The following PALM2AKAP2 variants were observed in gnomAD, a reference collection of about 807,000 sequenced individuals.
PALM2AKAP2 encodes PALM2-AKAP2 fusion protein.
PALM2AKAP2 carries 37 observed loss-of-function variants against 71.5 expected under a neutral mutation model. The ratio of observed to expected loss-of-function variants is 0.52; its 90% confidence interval spans 0.40 to 0.68. PALM2AKAP2 has a LOEUF of 0.68. Ranked by LOEUF, PALM2AKAP2 falls within the 30% of genes least tolerant of loss-of-function variation. The pLI is 0.00. For synonymous variants in PALM2AKAP2, 468 were observed against 478.8 expected (o/e 0.98, Z 0.29); for missense variants, 1,224 against 1,191.8 (o/e 1.03, Z -0.40).
chr9:110,136,785 C>T (rs756987750), exon 2 of PALM2AKAP2: 1 of 1,614,126 alleles, frequency 6.2e-7, no homozygotes, highest in Non-Finnish European at 8.5e-7. Flanking sequence ...GAGCTGCGTG[C>T]CTTCCATGAG....
chr9:110,035,697 T>C, intron 7 of PALM2AKAP2, among the ~76,000 whole-genome samples: 1 of 124,638 alleles, frequency 8.0e-6, no homozygotes, highest in Non-Finnish European at 1.6e-5. Context: ...ATATAGGATA[T>C]GTTGTGTGTT....
chr9:109,693,109 A>G lies in PALM2AKAP2; in HGVS notation c.5+52243A>G, dbSNP rs141141772. On this transcript the variant is annotated intron_variant, in intron 1 of 6. Coordinates refer to the PALM2AKAP2 transcript ENST00000374531. ...CCTAGAGAAACATTTGGGGCTTGATATTTCTTTGTGAGAATGTTTCCAATG... is the reference window on the plus strand; with the variant it reads ...CCTAGAGAAACATTTGGGGCTTGATGTTTCTTTGTGAGAATGTTTCCAATG... 1.7e-3 allele frequency among the ~76,000 whole-genome samples: 262 copies of G among 152,080 alleles called. 6 individuals are homozygous for G. The East Asian group carries it at 0.041, about 24-fold the overall frequency.
intron 1 of PALM2AKAP2, among the ~76,000 whole-genome samples, chr9:109,691,971 T>G (rs1336533754): frequency 7.0e-6 from 1 of 143,450 alleles, no homozygotes; most frequent in African/African-American, 2.6e-5. Context: ...TATATCTCCA[T>G]CTCAGTATTC....
chr9:109,994,679 T>C (rs1249903038), intron 6 of PALM2AKAP2, among the ~76,000 whole-genome samples: 1 of 152,128 alleles, frequency 6.6e-6, no homozygotes, highest in Non-Finnish European at 1.5e-5. Flanking sequence ...GGTCTTGCTT[T>C]GGTCATCTCT....
rs184796700 is a variant in PALM2AKAP2, at chr9:109,703,435, T to C, written c.5+62569T>C. 2.8e-3 allele frequency among the ~76,000 whole-genome samples: 426 copies of C among 152,274 alleles called. 3 individuals are homozygous for C. The highest frequency in any genetic ancestry group is 6.8e-3 in the Middle Eastern group (2 of 294). ...ATATATTTATTGCATACCCAGTATG[T>C]TTCTGGCAATATGTTTTTATGATAA... On this transcript the variant is annotated intron_variant, in intron 1 of 6. Transcript: ENST00000374531.
At chr9:110,111,205 C>T (rs572379324) in intron 1 of PALM2AKAP2, among the ~76,000 whole-genome samples, 78 of 147,964 alleles carry the variant, frequency 5.3e-4, no homozygotes, top group African/African-American at 1.9e-3. Flanking sequence ...GATCCTCTGA[C>T]CTCAGCCTCG....
At chr9:110,012,899 T>A (rs1832910372) in intron 6 of PALM2AKAP2, among the ~76,000 whole-genome samples, 1 of 152,244 alleles carries the variant, frequency 6.6e-6, no homozygotes, top group South Asian at 2.1e-4. Context: ...AACTTTTATA[T>A]GCAGAATTAT....
intron 3 of PALM2AKAP2, among the ~76,000 whole-genome samples, chr9:110,167,753 C>T (rs1836773027): frequency 6.6e-6 from 1 of 151,834 alleles, no homozygotes; most frequent in Non-Finnish European, 1.5e-5. Flanking sequence ...CTATAAATAT[C>T]ATCATGGCTT....
At chr9:110,162,279 T>TA (rs1341878097) in intron 3 of PALM2AKAP2, 147 bp downstream of exon 10, 2 of 1,230,920 alleles carry the variant, frequency 1.6e-6, no homozygotes, top group African/African-American at 3.0e-5. Context: ...TGTTCTGAAA[T>TA]ATGGGACTGC....
chr9:109,952,706 C>T (rs1374286432), intron 6 of PALM2AKAP2, among the ~76,000 whole-genome samples: 2 of 152,164 alleles, frequency 1.3e-5, no homozygotes, highest in Non-Finnish European at 2.9e-5. Context: ...CAGTGAATGG[C>T]AGGGCTTTCT....
chr9:109,856,276 A>G lies in PALM2AKAP2; in HGVS notation c.46-11215A>G, dbSNP rs1214119610. ...GCAGTCCCGTCTATAATTGCAAACA[A>G]AGCACTGAGAACCACCTAAATTATC... On this transcript the variant is annotated intron_variant, in intron 1 of 9. Transcript: ENST00000302798. 3.3e-5 allele frequency among the ~76,000 whole-genome samples: 5 copies of G among 152,246 alleles called. No individual in the cohort carries two copies. In the East Asian group the frequency reaches 5.8e-4, roughly 18 times the overall value.
chr9:110,137,982 T>C, exon 2 of PALM2AKAP2: 1 of 1,614,042 alleles, frequency 6.2e-7, no homozygotes, highest in South Asian at 1.1e-5. Flanking sequence ...CAACAAGCCA[T>C]AGCCGAGCAG....
chr9:110,029,981 T>C (rs1833249310), intron 7 of PALM2AKAP2, among the ~76,000 whole-genome samples: 1 of 152,214 alleles, frequency 6.6e-6, no homozygotes, highest in African/African-American at 2.4e-5. Context: ...ATTGTAGTTA[T>C]CAGGAAAAGT....
chr9:109,674,436 C>T (rs1770148801), intron 1 of PALM2AKAP2, among the ~76,000 whole-genome samples: 2 of 151,766 alleles, frequency 1.3e-5, no homozygotes, highest in African/African-American at 4.8e-5. Context: ...ATTGAGGAGA[C>T]CTGGGATTTA....
rs547356723 is a variant in PALM2AKAP2 at position 110,159,992 on chromosome 9, G to A, written c.2748+3495G>A. On this transcript the variant is annotated intron_variant, in intron 3 of 3. Coordinates refer to ENST00000374525, the Ensembl canonical transcript of PALM2AKAP2. ...GGCTGATTTCTTTGTCCTGTATATT[G>A]GAGTCACCAATGAGTATCTCCAGCC... Among the ~76,000 whole-genome samples, 7 of 152,226 alleles carry A rather than the reference G, an allele frequency of 4.6e-5. No individual in the cohort carries two copies. The South Asian group carries it at 6.2e-4, about 14-fold the overall frequency.
intron 1 of PALM2AKAP2, among the ~76,000 whole-genome samples, chr9:109,644,689 A>G (rs1365925292): frequency 1.3e-5 from 2 of 152,194 alleles, no homozygotes; most frequent in East Asian, 3.8e-4. Context: ...CACCTCTTGA[A>G]TGCTTTGCTG....
At chr9:109,881,131 C>A (rs558725952) in intron 3 of PALM2AKAP2, among the ~76,000 whole-genome samples, 105 of 152,248 alleles carry the variant, frequency 6.9e-4, no homozygotes, top group African/African-American at 2.4e-3. Flanking sequence ...TGAGAACATG[C>A]AGTATTTGGT....
At chr9:110,084,680 A>T (rs910502537) in intron 1 of PALM2AKAP2, among the ~76,000 whole-genome samples, 3 of 151,860 alleles carry the variant, frequency 2.0e-5, no homozygotes, top group African/African-American at 7.2e-5. Flanking sequence ...GAATCATGAT[A>T]AAAAAAAGTC....
intron 1 of PALM2AKAP2, among the ~76,000 whole-genome samples, chr9:109,862,009 G>T (rs960556073): frequency 6.6e-6 from 1 of 152,124 alleles, no homozygotes; most frequent in Non-Finnish European, 1.5e-5. Flanking sequence ...AATATTCTAG[G>T]CTTTAGAGAT....
Sources: gnomAD v4.1 joint callset for allele counts (sites outside exome capture counted in the v4.1 genomes callset) on GRCh38, gnomAD v4.1.1 for gene constraint, MANE v1.5 for transcripts, NCBI Gene and HGNC (gene_info 2026-07-23, HGNC 2026-07-21) for gene names.